Variants in FMN1 observed in about 807,000 individuals in gnomAD.
The protein encoded by FMN1 is formin 1, also known as formin-1.
In FMN1, 110 loss-of-function variants were observed where a neutral mutation model predicts 132.4. The observed-to-expected ratio is 0.83, with a 90% CI of 0.71 to 0.97. The LOEUF is 0.97. Among genes scored for constraint, FMN1 ranks in the 50% least tolerant of loss-of-function variants. FMN1 has a pLI of 0.00. For missense variants in FMN1, 1,792 were observed against 1,705.3 expected (o/e 1.05, Z -0.90); for synonymous variants, 722 against 651.7 (o/e 1.11, Z -1.64).
At chr15:32,778,707 G>A (rs2140884886) in intron 19 of FMN1, among the ~76,000 whole-genome samples, 1 of 152,256 alleles carries the variant, frequency 6.6e-6, no homozygotes, top group East Asian at 1.9e-4. Flanking sequence ...CACTGTTGAT[G>A]TGATTGTAGA....
chr15:32,846,769 T>C (rs776915286), intron 17 of FMN1, among the ~76,000 whole-genome samples: 30 of 152,228 alleles, frequency 2.0e-4, no homozygotes, highest in Admixed American at 1.1e-3. Context: ...CGTATGTTTA[T>C]TGCAGCACTA....
At chr15:32,898,404 C>CA (rs1285209431) in intron 15 of FMN1, among the ~76,000 whole-genome samples, 1 of 152,158 alleles carries the variant, frequency 6.6e-6, no homozygotes, top group African/African-American at 2.4e-5. Context: ...ATGGATTTTT[C>CA]AAATTCTACA....
chr15:32,964,740 C>T (rs1489082079), intron 8 of FMN1, among the ~76,000 whole-genome samples: 1 of 152,210 alleles, frequency 6.6e-6, no homozygotes, highest in Non-Finnish European at 1.5e-5. Flanking sequence ...CTTTTAAATA[C>T]AGTTTTTAGG....
At chr15:33,041,043 C>T (rs964015810) in intron 6 of FMN1, among the ~76,000 whole-genome samples, 1 of 151,416 alleles carries the variant, frequency 6.6e-6, no homozygotes, top group African/African-American at 2.4e-5. Flanking sequence ...GAAAAATCAG[C>T]AAGTCAAATT....
At chr15:32,888,381 C>CT in intron 15 of FMN1, 89 bp from the exon 16 acceptor site, 1 of 1,213,736 alleles carries the variant, frequency 8.2e-7, no homozygotes, top group Non-Finnish European at 1.1e-6. Flanking sequence ...AAAAAAAAAG[C>CT]TTTTTTATTG....
intron 4 of FMN1, among the ~76,000 whole-genome samples, chr15:33,109,030 C>T (rs2039594802): frequency 6.6e-6 from 1 of 152,044 alleles, no homozygotes; most frequent in Non-Finnish European, 1.5e-5. Context: ...CAAGAATAAA[C>T]TAAACAACCT....
intron 7 of FMN1, among the ~76,000 whole-genome samples, chr15:33,006,600 C>CAG (rs1265211612): frequency 1.3e-5 from 2 of 152,116 alleles, no homozygotes; most frequent in Admixed American, 6.5e-5. Context: ...ATGTTGACTG[C>CAG]AGCGTTATTC....
chr15:33,069,814 A>G (rs1437487552), intron 5 of FMN1, among the ~76,000 whole-genome samples: 1 of 152,090 alleles, frequency 6.6e-6, no homozygotes, highest in Non-Finnish European at 1.5e-5. Flanking sequence ...GGAATTATTA[A>G]CTGAGGCACT....
At chr15:33,142,997 C>T (rs1964069640) in intron 4 of FMN1, among the ~76,000 whole-genome samples, 1 of 152,126 alleles carries the variant, frequency 6.6e-6, no homozygotes, top group African/African-American at 2.4e-5. Flanking sequence ...ACTTGACTGC[C>T]CCTCAGTAAC....
intron 7 of FMN1, among the ~76,000 whole-genome samples, chr15:33,005,333 T>C (rs148713661): frequency 1.6e-3 from 244 of 152,330 alleles, no homozygotes; most frequent in African/African-American, 5.1e-3. Flanking sequence ...TTAAGTGTAC[T>C]AGTATCATCA....
At chr15:33,187,329 C>T (rs940747640) in intron 2 of FMN1, among the ~76,000 whole-genome samples, 1 of 152,042 alleles carries the variant, frequency 6.6e-6, no homozygotes, top group African/African-American at 2.4e-5. Flanking sequence ...TCTTAGAACA[C>T]AGGGAATTTC....
chr15:33,068,261 C>T (rs1289922789), intron 5 of FMN1: 2 of 182,236 alleles, frequency 1.1e-5, no homozygotes, highest in Non-Finnish European at 2.3e-5. Context: ...CAGGACTTCA[C>T]GAGGAGCTCC....
intron 16 of FMN1, among the ~76,000 whole-genome samples, chr15:32,884,177 A>G (rs567658719): frequency 8.5e-5 from 13 of 152,316 alleles, no homozygotes; most frequent in African/African-American, 3.1e-4. Flanking sequence ...TTAAAACACC[A>G]GAAATATATC....
chr15:32,959,159 C>G (rs765671668), intron 9 of FMN1, among the ~76,000 whole-genome samples: 2 of 151,948 alleles, frequency 1.3e-5, no homozygotes, highest in Non-Finnish European at 2.9e-5. Context: ...AGCACTTTCT[C>G]TTGTTCAGTC....
intron 5 of FMN1, among the ~76,000 whole-genome samples, chr15:33,082,848 A>G (rs2038537438): frequency 6.7e-6 from 1 of 148,786 alleles, no homozygotes; most frequent in Non-Finnish European, 1.5e-5. Flanking sequence ...TTAATAAAAT[A>G]TAGGATACCC....
At chr15:32,972,537 A>C (rs894047318) in intron 7 of FMN1, among the ~76,000 whole-genome samples, 5 of 152,152 alleles carry the variant, frequency 3.3e-5, no homozygotes, top group Admixed American at 1.3e-4. Context: ...ACATTTGTTA[A>C]GAGTTGACTG....
intron 5 of FMN1, among the ~76,000 whole-genome samples, chr15:33,073,753 CAG>C (rs1208923305): frequency 7.0e-6 from 1 of 143,158 alleles, no homozygotes; most frequent in East Asian, 2.0e-4. Flanking sequence ...TTTTTTGAGA[CAG>C]GGTCTCACTG....
intron 4 of FMN1, among the ~76,000 whole-genome samples, chr15:33,096,932 T>G (rs1038484281): frequency 2.6e-5 from 4 of 152,136 alleles, no homozygotes; most frequent in African/African-American, 9.7e-5. Flanking sequence ...TACTTCAGAC[T>G]GGTTGATAAT....
At chr15:32,929,151 C>G (rs1000228187) in intron 9 of FMN1, among the ~76,000 whole-genome samples, 1 of 152,190 alleles carries the variant, frequency 6.6e-6, no homozygotes, top group African/African-American at 2.4e-5. Flanking sequence ...TGATTTCCTA[C>G]AAAGGGGCTG....
Sources: gnomAD v4.1 joint callset for allele counts (sites outside exome capture counted in the v4.1 genomes callset) on GRCh38, gnomAD v4.1.1 for gene constraint, MANE v1.5 for transcripts, NCBI Gene and HGNC (gene_info 2026-07-23, HGNC 2026-07-21) for gene names.